CNTNAP3B: variants seen among roughly 807,000 people sequenced by gnomAD.
CNTNAP3B encodes the protein contactin associated protein family member 3B, also known as contactin-associated protein-like 3B.
Under a neutral mutation model 108.9 loss-of-function variants are expected in CNTNAP3B, and 25 were observed. That is an observed-to-expected ratio of 0.23 (90% confidence interval 0.17 to 0.32). The LOEUF (loss-of-function observed/expected upper bound fraction) is 0.32. CNTNAP3B is among the 10% of genes least tolerant of loss of function. The pLI, the probability that CNTNAP3B is intolerant of heterozygous loss-of-function variation, is 1.00. For synonymous variants in CNTNAP3B, 103 were observed against 473.4 expected, an observed-to-expected ratio of 0.22 and a Z score of 10.16; for missense variants, 252 against 1,210.4, an observed-to-expected ratio of 0.21 and a Z score of 11.75.
chr9:41,955,654 AAT>A (rs1255259323), intron 12 of CNTNAP3B, among the ~76,000 whole-genome samples: 1 of 152,292 alleles, frequency 6.6e-6, no homozygotes, highest in African/African-American at 2.4e-5. Flanking sequence ...TGAGTAGATT[AAT>A]TATAACAGTG....
intron 13 of CNTNAP3B, among the ~76,000 whole-genome samples, chr9:41,952,731 G>A (rs1352551725): frequency 6.6e-6 from 1 of 150,754 alleles, no homozygotes; most frequent in East Asian, 2.0e-4. Flanking sequence ...TGAAAGTGGC[G>A]GGGCTGAGGA....
At position 41,894,101 on chromosome 9, in the gene CNTNAP3B, G is replaced by A. The variant is rs1355232842; in HGVS notation, c.3755C>T (p.Ala1252Val). 2.1e-5 allele frequency: 1 copy of A among 47,982 alleles called. No individual in the cohort carries two copies. Among genetic ancestry groups the A allele is most frequent in the Non-Finnish European group, 3.7e-5 (1 of 26,934 alleles). 3.0% of individuals were successfully genotyped at this position (47,982 alleles called of 1,614,324 possible). A position where few individuals can be genotyped will look rare whatever the true frequency, so the allele number is the denominator to read the frequency against. Residue 1252 changes from alanine (A) to valine (V), a missense_variant, in exon 24 of 24, where the codon GCA becomes GTA. Transcript: ENST00000377561. ...GCAAAGCAAAATAAATATCTCCACT[G>A]CTATCACACCTAGGGAGAGAAAAGA... ...RDSAVIGGVI[A>V]VEIFILLCIT... is the part of the protein sequence containing the mutation.
chr9:41,965,792 G>A (rs1246113526), intron 10 of CNTNAP3B, among the ~76,000 whole-genome samples: 2 of 152,112 alleles, frequency 1.3e-5, no homozygotes, highest in African/African-American at 2.4e-5. Flanking sequence ...AGAGAACTGG[G>A]GTATGAAGTT....
chr9:41,959,502 C>A (rs1355411011), intron 12 of CNTNAP3B, among the ~76,000 whole-genome samples: 8 of 152,306 alleles, frequency 5.3e-5, no homozygotes, highest in African/African-American at 1.4e-4. Flanking sequence ...AAAATGATGA[C>A]AACCAAGGTC....
At chr9:42,124,293 C>A (rs1433747925) in intron 1 of CNTNAP3B, among the ~76,000 whole-genome samples, 1 of 130,616 alleles carries the variant, frequency 7.7e-6, no homozygotes, top group African/African-American at 3.1e-5. Flanking sequence ...CCAGAGTAGT[C>A]ATTTCATTAT....
chr9:41,950,901 A>G (rs1289422379), intron 13 of CNTNAP3B, among the ~76,000 whole-genome samples: 1 of 149,720 alleles, frequency 6.7e-6, no homozygotes, highest in Non-Finnish European at 1.5e-5. Flanking sequence ...GACTACAGGC[A>G]CCCGCCACCA....
At chr9:42,036,034 G>A (rs1307547038) in intron 3 of CNTNAP3B, among the ~76,000 whole-genome samples, 1 of 147,984 alleles carries the variant, frequency 6.8e-6, no homozygotes. Flanking sequence ...CTTGAACCTG[G>A]GAGGCAGAGG....
chr9:41,947,322 A>C (rs1009085898), intron 13 of CNTNAP3B, among the ~76,000 whole-genome samples: 1 of 152,252 alleles, frequency 6.6e-6, no homozygotes, highest in Non-Finnish European at 1.5e-5. Flanking sequence ...TATATTCTCT[A>C]AGCATAATGG....
At chr9:41,939,751 C>T (rs1291355644) in intron 13 of CNTNAP3B, among the ~76,000 whole-genome samples, 1 of 152,264 alleles carries the variant, frequency 6.6e-6, no homozygotes, top group Non-Finnish European at 1.5e-5. Context: ...CTCCCATATT[C>T]CCCATAAAGT....
chr9:41,942,310 C>T (rs1194592926), intron 13 of CNTNAP3B, among the ~76,000 whole-genome samples: 137 of 152,270 alleles, frequency 9.0e-4, no homozygotes, highest in African/African-American at 3.2e-3. Context: ...CCCATCTCTA[C>T]TAAAAATACA....
chr9:42,035,857 G>T (rs1826614868), intron 3 of CNTNAP3B, among the ~76,000 whole-genome samples: 1 of 144,614 alleles, frequency 6.9e-6, no homozygotes, highest in South Asian at 2.2e-4. Context: ...TTGAGATGAG[G>T]TCTTGCTATG....
intron 14 of CNTNAP3B, among the ~76,000 whole-genome samples, chr9:41,933,266 A>G (rs1485277395): frequency 2.6e-5 from 4 of 152,290 alleles, no homozygotes; most frequent in Non-Finnish European, 4.4e-5. Context: ...GCTCAGCAGC[A>G]CCCTGATTTC....
At chr9:42,087,756 A>T (rs1827734858) in intron 2 of CNTNAP3B, among the ~76,000 whole-genome samples, 1 of 139,058 alleles carries the variant, frequency 7.2e-6, no homozygotes, top group Non-Finnish European at 1.5e-5. Context: ...AGCAACTAGA[A>T]TTGACACACA....
At chr9:41,961,522 A>G (rs561097359) in intron 11 of CNTNAP3B, among the ~76,000 whole-genome samples, 77 of 152,276 alleles carry the variant, frequency 5.1e-4, no homozygotes, top group African/African-American at 1.8e-3. Context: ...GCACATTAAA[A>G]GGCCTAAATA....
At chr9:42,055,481 C>T (rs1018534803) in intron 3 of CNTNAP3B, among the ~76,000 whole-genome samples, 2 of 144,482 alleles carry the variant, frequency 1.4e-5, no homozygotes, top group African/African-American at 5.4e-5. Flanking sequence ...ACTGTACTAA[C>T]ATATTTACCA....
In CNTNAP3B at chr9:42,083,027, A is replaced by T. The variant is rs539640419; in HGVS notation, c.197-5965T>A. On this transcript the variant is annotated intron_variant, in intron 2 of 23. Coordinates refer to ENST00000377561, the MANE Select transcript of CNTNAP3B (RefSeq NM_001201380.3). ...ATATATTATGCTAATAATAGTTTTT[A>T]AAAAAGCTGGATTGGCTATATTAAA... 4.7e-4 allele frequency among the ~76,000 whole-genome samples: 66 copies of T among 139,886 alleles called. 12 individuals are homozygous for T. In the East Asian group the frequency reaches 8.4e-3, roughly 18 times the overall value. 91.8% of individuals were successfully genotyped at this position (139,886 alleles called of 152,430 possible). A position where few individuals can be genotyped will look rare whatever the true frequency, so the allele number is the denominator to read the frequency against.
At chr9:42,003,167 G>T (rs572567358) in intron 4 of CNTNAP3B, among the ~76,000 whole-genome samples, 1 of 139,874 alleles carries the variant, frequency 7.1e-6, no homozygotes, top group East Asian at 2.1e-4. Context: ...GGGATTACAG[G>T]CATAAGCCAC....
intron 14 of CNTNAP3B, among the ~76,000 whole-genome samples, chr9:41,937,018 A>G (rs1055263621): frequency 1.3e-5 from 2 of 152,146 alleles, no homozygotes; most frequent in African/African-American, 2.4e-5. Flanking sequence ...AAACAACTCA[A>G]TTTTTAGGAA....
chr9:42,097,959 A>G (rs1436715733), intron 2 of CNTNAP3B, among the ~76,000 whole-genome samples: 2 of 138,040 alleles, frequency 1.4e-5, no homozygotes, highest in Non-Finnish European at 3.1e-5. Flanking sequence ...TGAGGGGGAG[A>G]TCCATGGAAA....
Sources: allele counts gnomAD v4.1 joint callset (sites outside exome capture counted in the v4.1 genomes callset), GRCh38; gene constraint gnomAD v4.1.1; transcripts MANE v1.5; gene names NCBI Gene and HGNC (gene_info 2026-07-23, HGNC 2026-07-21).